Variants in MYCBP2 observed in about 807,000 individuals in gnomAD.
The protein encoded by MYCBP2 is MYC binding protein 2.
A neutral mutation model predicts 525.3 loss-of-function variants in MYCBP2; 120 were observed. The observed-to-expected ratio is 0.23, with a 90% CI of 0.20 to 0.27. The LOEUF is 0.27. Among genes scored for constraint, MYCBP2 ranks in the 10% least tolerant of loss-of-function variants. MYCBP2 has a pLI of 1.00. For missense variants in MYCBP2, 4,149 were observed against 5,657.1 expected (o/e 0.73, Z 8.55); for synonymous variants, 1,894 against 1,955.8 (o/e 0.97, Z 0.83).
chr13:77,299,655 A>C (rs1218780950), intron 1 of MYCBP2, among the ~76,000 whole-genome samples: 1 of 152,168 alleles, frequency 6.6e-6, no homozygotes, highest in Non-Finnish European at 1.5e-5. Flanking sequence ...TATAAAAGAG[A>C]AACTCTAAAA....
intron 37 of MYCBP2, among the ~76,000 whole-genome samples, chr13:77,174,018 T>C (rs1161893295): frequency 1.3e-5 from 2 of 152,168 alleles, no homozygotes; most frequent in Non-Finnish European, 1.5e-5. Flanking sequence ...AAATTTGAAA[T>C]TGCAGACCAG....
chr13:77,244,857 T>C (rs2069577839), intron 15 of MYCBP2, among the ~76,000 whole-genome samples: 1 of 152,044 alleles, frequency 6.6e-6, no homozygotes, highest in Non-Finnish European at 1.5e-5. Context: ...GCAAAGGATA[T>C]GAACAGACAC....
intron 21 of MYCBP2, among the ~76,000 whole-genome samples, chr13:77,215,997 C>T (rs1201152675): frequency 1.3e-5 from 2 of 152,144 alleles, no homozygotes; most frequent in African/African-American, 2.4e-5. Context: ...TAATACTATT[C>T]CCCACTAAAA....
chr13:77,174,593 T>C, intron 36 of MYCBP2, 104 bp from the exon 37 acceptor site: 1 of 800,792 alleles, frequency 1.2e-6, no homozygotes, highest in Non-Finnish European at 1.9e-6. Flanking sequence ...TTCTTTGTCA[T>C]ATTTACAGAT....
rs936710766 is a variant in MYCBP2 at position 77,106,585 on chromosome 13, C to T, written c.8141-7572G>A. ...TCCACTGGGATGCTACAAATGAAGACAGCAAAAAGAATCTTTGGCATGTAA... is the reference window on the plus strand; with the variant it reads ...TCCACTGGGATGCTACAAATGAAGATAGCAAAAAGAATCTTTGGCATGTAA... On this transcript the variant is annotated intron_variant, in intron 55 of 82. Transcript: ENST00000544440. Among the ~76,000 whole-genome samples the T allele has an allele frequency of 3.3e-5, 5 of 152,052 alleles. No individual in the cohort carries two copies. In the South Asian group the frequency reaches 1.0e-3, roughly 31 times the overall value.
intron 54 of MYCBP2, among the ~76,000 whole-genome samples, chr13:77,121,914 T>C (rs1195153916): frequency 6.6e-6 from 1 of 152,110 alleles, no homozygotes; most frequent in Non-Finnish European, 1.5e-5. Context: ...AGAAAAAAAC[T>C]AAGTATCTAG....
chr13:77,270,858 G>C (rs1052725883), intron 5 of MYCBP2, among the ~76,000 whole-genome samples: 1 of 151,326 alleles, frequency 6.6e-6, no homozygotes, highest in Non-Finnish European at 1.5e-5. Context: ...TGTCATTCTC[G>C]ATCCATGTTT....
intron 3 of MYCBP2, among the ~76,000 whole-genome samples, chr13:77,280,461 G>A (rs2076073397): frequency 6.6e-6 from 1 of 152,144 alleles, no homozygotes; most frequent in Admixed American, 6.5e-5. Context: ...TACAAAATAT[G>A]GGGCTCTATT....
chr13:77,067,849 T>C lies in MYCBP2; in HGVS notation c.12187A>G (p.Arg4063Gly). 6.2e-7 allele frequency: 1 copy of C among 1,613,332 alleles called. No homozygotes were observed. The highest frequency in any genetic ancestry group is 8.5e-7 in the Non-Finnish European group (1 of 1,179,440). Residue 4063 changes from arginine (R) to glycine (G), a missense_variant, in exon 71 of 83, where the codon AGA becomes GGA. Physicochemically the swap from Arg to Gly is moderately radical, Grantham distance 125. Around this residue, in one of 21 missense-constraint regions of MYCBP2, gnomAD observed 64 missense variants for 131.2 expected, o/e 0.49. Coordinates refer to ENST00000544440, the MANE Select transcript of MYCBP2 (RefSeq NM_015057.5). ...RVQRQVTSLL[R>G]RVLPEVTPSR... The stretch of plus-strand genomic sequence containing the variant: ...GGGGTTACTTCAGGCAAAACTCTTC[T>C]TAGTAAAGAGGTTACCTGGTAAGAA...
At chr13:77,071,310 A>ACACACACAC (rs1417944112) in intron 68 of MYCBP2, among the ~76,000 whole-genome samples, 10 of 85,904 alleles carry the variant, frequency 1.2e-4, no homozygotes, top group African/African-American at 3.0e-4. Flanking sequence ...CACACACACA[A>ACACACACAC]ATCTTATCTA....
chr13:77,179,543 TGTACAACTAA>T (rs1474937411), intron 34 of MYCBP2, among the ~76,000 whole-genome samples: 2 of 152,240 alleles, frequency 1.3e-5, no homozygotes, highest in Admixed American at 1.3e-4. Context: ...TTTGTGATAA[TGTACAACTAA>T]GTACAACAAA....
At chr13:77,302,054 CATGTGG>C (rs2078866811) in intron 1 of MYCBP2, among the ~76,000 whole-genome samples, 1 of 151,854 alleles carries the variant, frequency 6.6e-6, no homozygotes, top group South Asian at 2.1e-4. Context: ...GAGAACGAGA[CATGTGG>C]GACAAAGTCA....
intron 65 of MYCBP2, among the ~76,000 whole-genome samples, chr13:77,079,349 A>AT (rs758153712): frequency 6.6e-6 from 1 of 152,218 alleles, no homozygotes; most frequent in African/African-American, 2.4e-5. Flanking sequence ...AGGAGGTTCT[A>AT]TCCCCCAAGA....
chr13:77,060,586 C>T (rs1174936622), intron 76 of MYCBP2, among the ~76,000 whole-genome samples: 1 of 152,134 alleles, frequency 6.6e-6, no homozygotes, highest in Non-Finnish European at 1.5e-5. Flanking sequence ...AGAAAAGCAG[C>T]AAAATGAAAA....
chr13:77,064,504 A>G, intron 73 of MYCBP2, 111 bp downstream of exon 73: 1 of 1,248,380 alleles, frequency 8.0e-7, no homozygotes, highest in South Asian at 1.6e-5. Context: ...ATTTGGTTAA[A>G]AAATAATTAT....
intron 3 of MYCBP2, among the ~76,000 whole-genome samples, chr13:77,282,133 G>T (rs770695156): frequency 6.6e-6 from 1 of 152,102 alleles, no homozygotes; most frequent in South Asian, 2.1e-4. Context: ...ATGTGAGGCC[G>T]GGTGTGGTAG....
intron 3 of MYCBP2, among the ~76,000 whole-genome samples, chr13:77,287,894 T>A (rs1012635803): frequency 7.2e-5 from 11 of 152,152 alleles, no homozygotes; most frequent in African/African-American, 2.7e-4. Context: ...GTACATTTTT[T>A]AATTGCCCCT....
intron 52 of MYCBP2, among the ~76,000 whole-genome samples, chr13:77,126,787 T>G (rs1332318623): frequency 2.0e-5 from 3 of 152,150 alleles, no homozygotes; most frequent in African/African-American, 7.2e-5. Context: ...CTCTGGCTTC[T>G]GCCCACCATA....
intron 46 of MYCBP2, 75 bp downstream of exon 46, chr13:77,155,983 T>C: frequency 7.0e-7 from 1 of 1,420,634 alleles, no homozygotes; most frequent in Non-Finnish European, 9.6e-7. Flanking sequence ...CTCTCAGCAC[T>C]TGGCATTTCT....
Sources: allele counts gnomAD v4.1 joint callset (sites outside exome capture counted in the v4.1 genomes callset), GRCh38; gene constraint gnomAD v4.1.1; regional missense constraint gnomAD v4.1.1; transcripts MANE v1.5; gene names NCBI Gene and HGNC (gene_info 2026-07-23, HGNC 2026-07-21).